PCDH19: variants seen among roughly 807,000 people sequenced by gnomAD.
PCDH19 encodes the protein protocadherin-19.
PCDH19 carries 6 observed loss-of-function variants against 46.2 expected under a neutral mutation model. That is an observed-to-expected ratio of 0.13 (90% CI 0.07 to 0.26). The LOEUF is 0.26. Among genes scored for constraint, PCDH19 ranks in the 10% least tolerant of loss-of-function variants. The pLI is 1.00. For missense variants in PCDH19, 740 were observed against 972.3 expected, an observed-to-expected ratio of 0.76 and a Z score of 3.18; for synonymous variants, 481 against 415.7, an observed-to-expected ratio of 1.16 and a Z score of -1.91.
chrX:100,307,201 A>C (rs1215306862), intron 5 of PCDH19, among the ~76,000 whole-genome samples: 1 of 112,040 alleles, frequency 8.9e-6, no homozygotes, highest in Non-Finnish European at 1.9e-5. Context: ...ATCATCCACC[A>C]TGATCAAGTG....
intron 5 of PCDH19, among the ~76,000 whole-genome samples, chrX:100,324,223 C>A (rs1471664594): frequency 8.9e-6 from 1 of 112,050 alleles, no homozygotes; most frequent in East Asian, 2.8e-4. Flanking sequence ...AAGTTACAAG[C>A]CCCTCACTTG....
intron 3 of PCDH19, among the ~76,000 whole-genome samples, chrX:100,393,954 T>A (rs773804785): frequency 3.2e-4 from 36 of 111,262 alleles, no homozygotes; most frequent in African/African-American, 1.2e-3. Context: ...TGACCTGAGG[T>A]CAGGAGTTCG....
chrX:100,374,143 C>A (rs1927305463), intron 3 of PCDH19, among the ~76,000 whole-genome samples: 1 of 112,652 alleles, frequency 8.9e-6, no homozygotes, highest in Admixed American at 9.3e-5. Context: ...GAGGCAATAT[C>A]TTGGGAAAAG....
At chrX:100,404,778 T>C (rs1310767196) in intron 1 of PCDH19, among the ~76,000 whole-genome samples, 1 of 111,705 alleles carries the variant, frequency 9.0e-6, no homozygotes, top group East Asian at 2.8e-4. Flanking sequence ...AAGGATCTTA[T>C]GCATTTACTT....
intron 5 of PCDH19, among the ~76,000 whole-genome samples, chrX:100,319,383 A>T (rs1925406396): frequency 8.9e-6 from 1 of 112,158 alleles, no homozygotes; most frequent in South Asian, 3.7e-4. Context: ...AAATACAGGT[A>T]CATAAGACTA....
At chrX:100,403,458 A>AC in intron 2 of PCDH19, 66 bp downstream of exon 2, 2 of 964,166 alleles carry the variant, frequency 2.1e-6, no homozygotes, top group Non-Finnish European at 2.9e-6. Flanking sequence ...TCACCCCCCG[A>AC]CCCCCTCCTC....
chrX:100,408,638 C>A lies in PCDH19; in HGVS notation c.-41G>T. ...TGCCTGGCCTCGCCTCTCCACACCC[C>A]TCCGAGACCGACGCCGTCGGCGCTC... On this transcript the variant is annotated 5_prime_UTR_variant, in exon 1 of 6. The change creates a new upstream start codon in the 5' untranslated region. Coordinates refer to ENST00000373034, the MANE Select transcript of PCDH19 (RefSeq NM_001184880.2). The A allele has an allele frequency of 9.5e-7, 1 of 1,051,953 alleles. No individual in the cohort carries two copies. Among genetic ancestry groups the A allele is most frequent in the East Asian group, 3.3e-5 (1 of 30,171 alleles). The allele number at this position is 1,051,953 out of a possible 1,213,427, so 86.7% of individuals were successfully genotyped here.
At chrX:100,369,799 G>A (rs1169708587) in intron 3 of PCDH19, among the ~76,000 whole-genome samples, 1 of 111,811 alleles carries the variant, frequency 8.9e-6, no homozygotes, top group Non-Finnish European at 1.9e-5. Flanking sequence ...CATAAAATAA[G>A]GCATCCAGAA....
Position 100,408,204 on chromosome X carries a change from C to A in PCDH19, c.394G>T (p.Ala132Ser). ...LNDNAPSFPAAQIELEISEAA... is the reference protein window; with the variant it reads ...LNDNAPSFPASQIELEISEAA... ...TCCGAGATCTCCAGCTCGATCTGTGCTGCCGGGAAACTGGGCGCATTGTCG... is the reference window on the plus strand; with the variant it reads ...TCCGAGATCTCCAGCTCGATCTGTGATGCCGGGAAACTGGGCGCATTGTCG... The change falls in exon 1 of 6, where the codon GCA (alanine) becomes TCA (serine). Residue 132 changes from alanine to serine, a missense_variant. Transcript: ENST00000373034. The A allele has an allele frequency of 8.2e-7, 1 of 1,212,200 alleles. No homozygotes were observed. The highest frequency in any genetic ancestry group is 3.0e-5 in the East Asian group (1 of 33,838).
intron 4 of PCDH19, among the ~76,000 whole-genome samples, chrX:100,343,419 C>A (rs191878430): frequency 8.9e-6 from 1 of 112,378 alleles, no homozygotes; most frequent in East Asian, 2.8e-4. Context: ...ACTAATGCAA[C>A]TCTGAGTATA....
At chrX:100,354,194 C>T (rs1291594506) in intron 3 of PCDH19, among the ~76,000 whole-genome samples, 1 of 111,598 alleles carries the variant, frequency 9.0e-6, no homozygotes, top group Non-Finnish European at 1.9e-5. Flanking sequence ...CCAAACCCAA[C>T]TCCTGTGCAC....
intron 5 of PCDH19, among the ~76,000 whole-genome samples, chrX:100,303,111 G>A (rs752947611): frequency 9.0e-6 from 1 of 111,429 alleles, no homozygotes; most frequent in South Asian, 3.8e-4. Flanking sequence ...AGGTGTTAGA[G>A]AGATCTAGTA....
chrX:100,365,528 C>T lies in PCDH19; in HGVS notation c.2617-14824G>A, dbSNP rs749541098. Among the ~76,000 whole-genome samples, 12 of 111,843 alleles carry T rather than the reference C, an allele frequency of 1.1e-4. No homozygotes were observed. The South Asian group carries it at 4.5e-3, about 42-fold the overall frequency. ...CTTTATTGCCAAATGTAGTCATTTG[C>T]AAAGGTTCTCGAAATCATTACTGCA... On this transcript the variant is annotated intron_variant, in intron 3 of 5. Transcript: ENST00000373034.
At chrX:100,315,051 C>T (rs760619489) in intron 5 of PCDH19, among the ~76,000 whole-genome samples, 18 of 112,155 alleles carry the variant, frequency 1.6e-4, no homozygotes, top group Non-Finnish European at 3.0e-4. Flanking sequence ...CAATCTGAGA[C>T]AATGGCAGTG....
chrX:100,403,450 A>T, intron 2 of PCDH19, 74 bp downstream of exon 2: 1 of 1,061,665 alleles, frequency 9.4e-7, no homozygotes, highest in Non-Finnish European at 1.3e-6. Flanking sequence ...CCTTTTACTC[A>T]CCCCCCGACC....
At chrX:100,322,865 A>ATATATTTTTTTTTTTTT in intron 5 of PCDH19, among the ~76,000 whole-genome samples, 3 of 54,416 alleles carry the variant, frequency 5.5e-5, no homozygotes, top group Non-Finnish European at 9.9e-5. Context: ...ATATATATAT[A>ATATATTTTTTTTTTTTT]TTTTTGCAGC....
chrX:100,377,410 T>C (rs993547714), intron 3 of PCDH19, among the ~76,000 whole-genome samples: 2 of 112,084 alleles, frequency 1.8e-5, no homozygotes, highest in Non-Finnish European at 3.8e-5. Context: ...ATACTTAACC[T>C]TCACGCACAT....
intron 3 of PCDH19, among the ~76,000 whole-genome samples, chrX:100,358,864 C>G (rs1255571429): frequency 1.8e-5 from 2 of 112,249 alleles, no homozygotes; most frequent in Non-Finnish European, 3.8e-5. Flanking sequence ...GTAAGTCAAA[C>G]TATTTAATCC....
chrX:100,352,132 A>C (rs191124144), intron 3 of PCDH19, among the ~76,000 whole-genome samples: 53 of 112,511 alleles, frequency 4.7e-4, no homozygotes, highest in African/African-American at 1.4e-3. Flanking sequence ...CTCCTTTTTA[A>C]TGTAAACTCA....
Sources: allele counts gnomAD v4.1 joint callset (sites outside exome capture counted in the v4.1 genomes callset), GRCh38; gene constraint gnomAD v4.1.1; transcripts MANE v1.5; gene names NCBI Gene and HGNC (gene_info 2026-07-23, HGNC 2026-07-21).